Variants in SPATA16 observed in about 807,000 individuals in gnomAD.
The protein encoded by SPATA16 is spermatogenesis-associated protein 16.
In SPATA16, 36 loss-of-function variants were observed where a neutral mutation model predicts 63.3. The ratio of observed to expected loss-of-function variants is 0.57; its 90% CI spans 0.44 to 0.75. SPATA16 has a LOEUF of 0.75. Among genes scored for constraint, SPATA16 ranks in the 30% least tolerant of loss-of-function variants. The probability of loss-of-function intolerance (pLI) is 0.00; values close to 1 mark genes in which losing one functional copy is unlikely to be tolerated. For missense variants in SPATA16, 646 were observed against 679.3 expected (o/e 0.95, Z 0.54); for synonymous variants, 203 against 216.7 (o/e 0.94, Z 0.56).
At chr3:172,966,921 A>T (rs1344852936) in intron 5 of SPATA16, among the ~76,000 whole-genome samples, 3 of 152,224 alleles carry the variant, frequency 2.0e-5, no homozygotes, top group Non-Finnish European at 4.4e-5. Flanking sequence ...TCAATAACCC[A>T]TAAAAATCTA....
chr3:172,947,135 AG>A (rs1436944023), intron 6 of SPATA16, among the ~76,000 whole-genome samples: 2 of 152,222 alleles, frequency 1.3e-5, no homozygotes, highest in Admixed American at 1.3e-4. Flanking sequence ...ACAGTGTTAC[AG>A]GACTTTAGGT....
chr3:173,111,397 C>A (rs6445103), intron 2 of SPATA16, among the ~76,000 whole-genome samples: 1 of 151,924 alleles, frequency 6.6e-6, no homozygotes, highest in South Asian at 2.1e-4. Flanking sequence ...GTGACAGAGC[C>A]AGACTCCATC....
intron 1 of SPATA16, 75 bp downstream of exon 1, chr3:173,141,028 A>G (rs1418199668): frequency 2.6e-5 from 4 of 152,432 alleles, no homozygotes; most frequent in Admixed American, 2.6e-4. Flanking sequence ...CCTGAGGGTC[A>G]TCTCCCTTCC....
chr3:173,074,644 G>A (rs143669272), intron 2 of SPATA16, among the ~76,000 whole-genome samples: 86 of 152,084 alleles, frequency 5.7e-4, no homozygotes, highest in South Asian at 2.3e-3. Context: ...ACCCAGTCTC[G>A]GGTATATCTT....
chr3:173,032,266 A>C (rs1236957338), intron 3 of SPATA16, among the ~76,000 whole-genome samples: 2 of 152,146 alleles, frequency 1.3e-5, no homozygotes, highest in Non-Finnish European at 2.9e-5. Context: ...GTGAACAACA[A>C]ACACCTATTT....
At chr3:173,090,462 A>G (rs1465285826) in intron 2 of SPATA16, among the ~76,000 whole-genome samples, 1 of 152,190 alleles carries the variant, frequency 6.6e-6, no homozygotes, top group African/African-American at 2.4e-5. Flanking sequence ...CAAGAATGGA[A>G]TGATGCTAAA....
At chr3:172,893,455 G>A (rs1731935674) in intron 10 of SPATA16, among the ~76,000 whole-genome samples, 1 of 152,166 alleles carries the variant, frequency 6.6e-6, no homozygotes. Flanking sequence ...CACAGCCCTC[G>A]GAGGGACCCA....
At chr3:173,049,258 A>C (rs1736027650) in intron 2 of SPATA16, among the ~76,000 whole-genome samples, 164 bp from the exon 3 acceptor site, 1 of 152,146 alleles carries the variant, frequency 6.6e-6, no homozygotes, top group African/African-American at 2.4e-5. Context: ...TCCAAACTAC[A>C]AGTAAAATAT....
intron 6 of SPATA16, among the ~76,000 whole-genome samples, chr3:172,939,218 C>T (rs1054686713): frequency 2.0e-5 from 3 of 152,140 alleles, no homozygotes; most frequent in East Asian, 1.9e-4. Flanking sequence ...TTGGAACTTA[C>T]GCGTTAGCTG....
chr3:173,122,570 GA>G (rs1266694844), intron 1 of SPATA16, among the ~76,000 whole-genome samples: 1 of 151,572 alleles, frequency 6.6e-6, no homozygotes, highest in Non-Finnish European at 1.5e-5. Flanking sequence ...GACATTATGA[GA>G]AAAAAACACC....
At chr3:172,952,672 T>G (rs1222904603) in intron 6 of SPATA16, among the ~76,000 whole-genome samples, 1 of 152,194 alleles carries the variant, frequency 6.6e-6, no homozygotes, top group African/African-American at 2.4e-5. Flanking sequence ...CCGGGTGCAG[T>G]GGCTCACGCC....
intron 3 of SPATA16, among the ~76,000 whole-genome samples, chr3:173,046,153 G>A (rs906152833): frequency 2.0e-5 from 3 of 151,872 alleles, no homozygotes; most frequent in Admixed American, 6.6e-5. Context: ...ATTACAAATC[G>A]GTCTTTAGAA....
intron 10 of SPATA16, among the ~76,000 whole-genome samples, chr3:172,902,152 C>T (rs1732138900): frequency 6.6e-6 from 1 of 152,314 alleles, no homozygotes; most frequent in African/African-American, 2.4e-5. Flanking sequence ...ATTCTCCTGC[C>T]TCAGCTTTCC....
chr3:172,986,458 A>G (rs1374269675), intron 4 of SPATA16, among the ~76,000 whole-genome samples: 1 of 152,192 alleles, frequency 6.6e-6, no homozygotes, highest in South Asian at 2.1e-4. Context: ...TGGATAAATC[A>G]ATATATGTAC....
chr3:173,079,754 T>C (rs1336522463), intron 2 of SPATA16, among the ~76,000 whole-genome samples: 1 of 151,984 alleles, frequency 6.6e-6, no homozygotes, highest in Admixed American at 6.6e-5. Flanking sequence ...ATACTACAAA[T>C]CAACAAAGGA....
rs752399370 is a variant in SPATA16 at position 172,925,306 on chromosome 3, G to C, written c.1228+40C>G. 3 of 1,612,308 alleles carry C rather than the reference G, an allele frequency of 1.9e-6. No homozygotes were observed. The Admixed American group carries it at 5.0e-5, about 27-fold the overall frequency. ...TTTTTGGGGCCCAAAACTCATCACA[G>C]GCTACTATATGCTAGACCTTGTAGG... On this transcript the variant is annotated intron_variant, in intron 7 of 10. Coordinates refer to ENST00000351008, the MANE Select transcript of SPATA16 (RefSeq NM_031955.6).
At chr3:172,894,445 A>G (rs74282650) in intron 10 of SPATA16, among the ~76,000 whole-genome samples, 14,567 of 150,882 alleles carry the variant, frequency 0.097, 792 homozygotes, top group African/African-American at 0.14. Flanking sequence ...ATAAGAGTGT[A>G]ACATAAAAAT....
intron 3 of SPATA16, among the ~76,000 whole-genome samples, chr3:173,043,911 A>G (rs919135434): frequency 2.0e-5 from 3 of 152,150 alleles, no homozygotes; most frequent in Non-Finnish European, 2.9e-5. Flanking sequence ...TCGGCACTTT[A>G]AAGTTGTCGT....
At chr3:173,019,971 G>A (rs1735284734) in intron 3 of SPATA16, among the ~76,000 whole-genome samples, 1 of 150,562 alleles carries the variant, frequency 6.6e-6, no homozygotes, top group Admixed American at 6.6e-5. Context: ...GAAAGAGATT[G>A]TTAGTTGCTG....
Sources: allele counts gnomAD v4.1 joint callset (sites outside exome capture counted in the v4.1 genomes callset), GRCh38; gene constraint gnomAD v4.1.1; transcripts MANE v1.5; gene names NCBI Gene and HGNC (gene_info 2026-07-23, HGNC 2026-07-21).